IRAK2: variants seen among roughly 807,000 people sequenced by gnomAD.
IRAK2 encodes interleukin-1 receptor-associated kinase-like 2.
IRAK2 carries 57 observed loss-of-function variants against 72.0 expected under a neutral mutation model. That is an observed-to-expected ratio of 0.79 (90% CI 0.64 to 0.99). The LOEUF is 0.99. IRAK2 is among the 50% of genes least tolerant of loss of function. The pLI is 0.00. For synonymous variants in IRAK2, 293 were observed against 312.7 expected (o/e 0.94, Z 0.67); for missense variants, 790 against 794.4 (o/e 0.99, Z 0.07).
chr3:10,172,645 C>T, intron 1 of IRAK2, among the ~76,000 whole-genome samples: 1 of 148,250 alleles, frequency 6.7e-6, no homozygotes. Flanking sequence ...TGAGCCCAGC[C>T]TGGCCAACAT....
intron 8 of IRAK2, among the ~76,000 whole-genome samples, chr3:10,221,248 ATTTTTT>A (rs34742796): frequency 1.2e-4 from 11 of 89,714 alleles, no homozygotes; most frequent in Admixed American, 1.0e-3. Flanking sequence ...AAAAAAAAAA[ATTTTTT>A]TTTTTTTTTT....
intron 1 of IRAK2, among the ~76,000 whole-genome samples, chr3:10,174,835 A>G (rs752107928): frequency 6.6e-6 from 1 of 151,640 alleles, no homozygotes; most frequent in African/African-American, 2.4e-5. Flanking sequence ...GATTACTCCT[A>G]GTTTTAATAA....
chr3:10,203,509 A>T (rs968820381), intron 3 of IRAK2, among the ~76,000 whole-genome samples: 3 of 152,232 alleles, frequency 2.0e-5, no homozygotes, highest in Non-Finnish European at 4.4e-5. Context: ...CTCATCAATT[A>T]TCTTAAAGGA....
At chr3:10,225,003 C>A (rs1575985452) in intron 9 of IRAK2, among the ~76,000 whole-genome samples, 2 of 151,814 alleles carry the variant, frequency 1.3e-5, no homozygotes, top group African/African-American at 4.8e-5. Flanking sequence ...TTTGTTTATT[C>A]ATTTCCCCTT....
intron 6 of IRAK2, among the ~76,000 whole-genome samples, chr3:10,215,789 C>T (rs1347094590): frequency 6.8e-6 from 1 of 146,466 alleles, no homozygotes; most frequent in African/African-American, 2.7e-5. Flanking sequence ...CACACACACA[C>T]ATACATCTAA....
chr3:10,182,527 C>T (rs1181644905), intron 2 of IRAK2, among the ~76,000 whole-genome samples: 5 of 149,452 alleles, frequency 3.3e-5, no homozygotes, highest in Admixed American at 3.3e-4. Context: ...GTGATCCGCC[C>T]GCCTCGGCCT....
rs76910002 is a variant in IRAK2 at position 10,184,452 on chromosome 3, C to G, written c.277+6432C>G. Among the ~76,000 whole-genome samples, 681 of 152,230 alleles carry G rather than the reference C, an allele frequency of 4.5e-3. 22 individuals carry two copies. The South Asian group carries it at 0.079, about 18-fold the overall frequency. The stretch of plus-strand genomic sequence containing the variant: ...GGCCTGGGGGCCTAATCAGTCACTT[C>G]CTTTAGGGCAAATCTGGTATGTGTG... On this transcript the variant is annotated intron_variant, in intron 2 of 12. Coordinates refer to ENST00000256458, the MANE Select transcript of IRAK2 (RefSeq NM_001570.4).
At chr3:10,187,722 T>A (rs149999122) in intron 2 of IRAK2, among the ~76,000 whole-genome samples, 1 of 152,346 alleles carries the variant, frequency 6.6e-6, no homozygotes, top group Non-Finnish European at 1.5e-5. Context: ...CCATTCATAT[T>A]TGACCATGGT....
At chr3:10,203,089 C>T (rs180761243) in intron 3 of IRAK2, among the ~76,000 whole-genome samples, 46 of 152,128 alleles carry the variant, frequency 3.0e-4, no homozygotes, top group Middle Eastern at 6.8e-3. Flanking sequence ...CTTTGCCTCC[C>T]GGGTTCAAGC....
intron 2 of IRAK2, among the ~76,000 whole-genome samples, chr3:10,185,703 C>T (rs1210224056): frequency 1.3e-5 from 2 of 150,552 alleles, no homozygotes; most frequent in East Asian, 1.9e-4. Context: ...GGTGAAACAT[C>T]GTCTCTACTA....
In IRAK2 at chr3:10,218,190, G is replaced by A. The variant is rs559699190; in HGVS notation, c.903+1142G>A. On this transcript the variant is annotated intron_variant, in intron 7 of 12. Coordinates refer to ENST00000256458, the MANE Select transcript of IRAK2 (RefSeq NM_001570.4). ...TGTAATCCCAGTACATTGGGAAGCC[G>A]AGGTGGGTGGATCACTTGAGGTCAG... Among the ~76,000 whole-genome samples, 12 of 152,250 alleles carry A rather than the reference G, an allele frequency of 7.9e-5. No individual in the cohort carries two copies. The East Asian group carries it at 1.5e-3, about 20-fold the overall frequency.
At chr3:10,237,596 A>G (rs709634) in intron 11 of IRAK2, among the ~76,000 whole-genome samples, 34,621 of 151,920 alleles carry the variant, frequency 0.23, 5,442 homozygotes, top group East Asian at 0.71. Context: ...TCACGAGGTC[A>G]GGAGATCGAG....
chr3:10,193,588 A>G (rs1345713947), intron 2 of IRAK2, among the ~76,000 whole-genome samples: 1 of 152,152 alleles, frequency 6.6e-6, no homozygotes, highest in Non-Finnish European at 1.5e-5. Context: ...GCACCAGTGC[A>G]CTCTAGCCTG....
chr3:10,202,574 G>A (rs1218821643), intron 3 of IRAK2, among the ~76,000 whole-genome samples: 2 of 152,166 alleles, frequency 1.3e-5, no homozygotes, highest in African/African-American at 4.8e-5. Flanking sequence ...AGTGAGCTGA[G>A]ATCGTGCCAC....
intron 11 of IRAK2, among the ~76,000 whole-genome samples, chr3:10,236,645 G>C (rs1409253279): frequency 6.6e-6 from 1 of 152,178 alleles, no homozygotes; most frequent in Non-Finnish European, 1.5e-5. Context: ...ACTGTGCCCA[G>C]CCTCACTAAG....
intron 10 of IRAK2, among the ~76,000 whole-genome samples, chr3:10,228,891 C>G (rs1451968832): frequency 6.6e-6 from 1 of 151,896 alleles, no homozygotes; most frequent in Non-Finnish European, 1.5e-5. Context: ...GAGAAACATG[C>G]ACACATGTGA....
rs1370175191 is a variant in IRAK2, at chr3:10,200,405, C to G, written c.314C>G (p.Ala105Gly). The change falls in exon 3 of 13, where the codon GCC (alanine) becomes GGC (glycine). Residue 105 changes from alanine (A) to glycine (G), a missense_variant. By Grantham distance (60) the Ala-to-Gly change is moderately conservative (BLOSUM62 0). Transcript: ENST00000256458. ...PAPEIRCPIP[A>G]FPDSVKPEKP... ...CCTGAAATCAGGTGTCCCATTCCAG[C>G]CTTCCCTGACTCTGTGAAGCCAGAA... The G allele has an allele frequency of 1.9e-6, 3 of 1,603,320 alleles. No homozygotes were observed. In the Admixed American group the frequency reaches 5.0e-5, roughly 27 times the overall value.
chr3:10,179,557 C>G (rs541201851), intron 2 of IRAK2, among the ~76,000 whole-genome samples: 57 of 152,116 alleles, frequency 3.7e-4, no homozygotes, highest in African/African-American at 1.4e-3. Context: ...CCTCAGCTTC[C>G]TGAGTAGCTG....
intron 11 of IRAK2, among the ~76,000 whole-genome samples, chr3:10,238,053 T>A (rs753112253): frequency 6.6e-6 from 1 of 151,854 alleles, no homozygotes; most frequent in Middle Eastern, 3.4e-3. Context: ...TCTATATTAT[T>A]TGTGCTTTTT....
Sources: gnomAD v4.1 joint callset for allele counts (sites outside exome capture counted in the v4.1 genomes callset) on GRCh38, gnomAD v4.1.1 for gene constraint, MANE v1.5 for transcripts, NCBI Gene and HGNC (gene_info 2026-07-23, HGNC 2026-07-21) for gene names.